PRSS23: variants seen among roughly 807,000 people sequenced by gnomAD.
PRSS23 encodes protease, serine 23.
A neutral mutation model predicts 34.7 loss-of-function variants in PRSS23; 25 were observed. The ratio of observed to expected loss-of-function variants is 0.72; its 90% CI spans 0.53 to 1.01. The LOEUF (loss-of-function observed/expected upper bound fraction) is 1.01, where lower values mean the gene tolerates loss of function less well. Among genes scored for constraint, PRSS23 ranks in the 50% least tolerant of loss-of-function variants. The pLI is 0.00. For missense variants in PRSS23, 445 were observed against 475.6 expected (o/e 0.94, Z 0.60); for synonymous variants, 176 against 186.6 (o/e 0.94, Z 0.46).
At chr11:86,847,338 G>C (rs1305498048) in intron 2 of PRSS23, among the ~76,000 whole-genome samples, 1 of 152,156 alleles carries the variant, frequency 6.6e-6, no homozygotes, top group Non-Finnish European at 1.5e-5. Context: ...TGCCACCCTG[G>C]AACAGGTTGG....
chr11:86,822,950 G>C (rs1221644544), intron 1 of PRSS23, among the ~76,000 whole-genome samples: 1 of 152,092 alleles, frequency 6.6e-6, no homozygotes, highest in Non-Finnish European at 1.5e-5. Context: ...ACAACTCGGG[G>C]GTGAGTGTGG....
rs1948944652 is a variant in PRSS23, at chr11:86,906,597, T to C, written c.207-44619T>C. Among the ~76,000 whole-genome samples, 3 of 152,310 alleles carry C rather than the reference T, an allele frequency of 2.0e-5. No individual in the cohort carries two copies. In the South Asian group the frequency reaches 6.2e-4, roughly 32 times the overall value. ...TGCCACGAATCTCCAAATGCTGAAC[T>C]ACCAGTTTCCTCCATACCCTGCATT... is the stretch of plus-strand genomic sequence containing the variant. On this transcript the variant is annotated intron_variant, in intron 2 of 2. Transcript: ENST00000533902.
intron 2 of PRSS23, among the ~76,000 whole-genome samples, chr11:86,883,462 C>T (rs971411275): frequency 1.3e-5 from 2 of 152,164 alleles, no homozygotes; most frequent in Non-Finnish European, 2.9e-5. Context: ...TGAAACTGGA[C>T]TCCTTCTTTA....
At chr11:86,865,407 G>A (rs1360227060) in intron 2 of PRSS23, among the ~76,000 whole-genome samples, 1 of 152,178 alleles carries the variant, frequency 6.6e-6, no homozygotes, top group East Asian at 1.9e-4. Flanking sequence ...TAAATGAGGG[G>A]CTATCATCAC....
At chr11:86,872,415 C>T (rs569433089) in intron 2 of PRSS23, among the ~76,000 whole-genome samples, 1 of 152,266 alleles carries the variant, frequency 6.6e-6, no homozygotes, top group Non-Finnish European at 1.5e-5. Context: ...CCACACTTAA[C>T]ACGTTCCTGA....
intron 2 of PRSS23, chr11:86,909,905 G>A (rs1948966873): frequency 6.6e-6 from 1 of 152,162 alleles, no homozygotes; most frequent in Non-Finnish European, 1.5e-5. Flanking sequence ...TTTAGTTAAG[G>A]TCTGCTGAAA....
In PRSS23 at chr11:86,800,547, C is replaced by T; in HGVS notation, c.-118C>T. On this transcript the variant is annotated 5_prime_UTR_variant, in exon 1 of 2. Coordinates refer to ENST00000280258, the MANE Select transcript of PRSS23 (RefSeq NM_007173.6). ...CGCTGCTCGCCAGCTTGCTCGCACT[C>T]GGCTGTGCGGCGGGGCAGGCATGGG... 2 of 984,704 alleles carry T rather than the reference C, an allele frequency of 2.0e-6. No homozygotes were observed. Among genetic ancestry groups the T allele is most frequent in the Non-Finnish European group, 2.4e-6 (2 of 829,708 alleles). 61.0% of individuals were successfully genotyped at this position (984,704 alleles called of 1,614,324 possible).
intron 2 of PRSS23, among the ~76,000 whole-genome samples, chr11:86,902,223 T>C (rs1489907483): frequency 2.0e-5 from 3 of 152,296 alleles, no homozygotes; most frequent in Non-Finnish European, 2.9e-5. Context: ...TCAGAAACTA[T>C]AGGGACATTC....
At chr11:86,885,016 T>C (rs556360668) in intron 2 of PRSS23, among the ~76,000 whole-genome samples, 24 of 152,340 alleles carry the variant, frequency 1.6e-4, no homozygotes, top group African/African-American at 5.8e-4. Flanking sequence ...TTTTATTATA[T>C]TGTGCTCATT....
chr11:86,892,810 G>A (rs1948850277), intron 2 of PRSS23, among the ~76,000 whole-genome samples: 2 of 151,898 alleles, frequency 1.3e-5, no homozygotes, highest in Non-Finnish European at 2.9e-5. Context: ...AGGTACTAGG[G>A]GTCTTCTAGT....
intron 2 of PRSS23, among the ~76,000 whole-genome samples, chr11:86,942,203 G>A (rs964823961): frequency 1.3e-5 from 2 of 152,202 alleles, no homozygotes; most frequent in Admixed American, 1.3e-4. Flanking sequence ...GTGGCAAGCA[G>A]GAGGATCGGG....
At chr11:86,895,266 A>C (rs748614031) in intron 2 of PRSS23, among the ~76,000 whole-genome samples, 1 of 152,210 alleles carries the variant, frequency 6.6e-6, no homozygotes, top group Non-Finnish European at 1.5e-5. Flanking sequence ...ACTCACTGAC[A>C]TATGTGAACT....
intron 2 of PRSS23, among the ~76,000 whole-genome samples, chr11:86,832,268 A>T (rs1265844419): frequency 8.5e-5 from 13 of 152,090 alleles, no homozygotes; most frequent in Admixed American, 7.2e-4. Context: ...CATCCAGGGT[A>T]AATATGACTT....
chr11:86,866,670 A>G (rs1018748338), intron 2 of PRSS23, among the ~76,000 whole-genome samples: 1 of 152,204 alleles, frequency 6.6e-6, no homozygotes, highest in African/African-American at 2.4e-5. Flanking sequence ...TTGAAATTTG[A>G]TCCCAGTGTT....
intron 2 of PRSS23, among the ~76,000 whole-genome samples, chr11:86,855,970 C>A (rs903540817): frequency 1.3e-5 from 2 of 152,020 alleles, no homozygotes; most frequent in Non-Finnish European, 2.9e-5. Flanking sequence ...GTGTGTATAC[C>A]ACAGTTTTTT....
At chr11:86,849,181 G>C (rs1373245336) in intron 2 of PRSS23, among the ~76,000 whole-genome samples, 1 of 152,138 alleles carries the variant, frequency 6.6e-6, no homozygotes, top group Non-Finnish European at 1.5e-5. Context: ...AGCTTTCTCA[G>C]GATTAATCTC....
At chr11:86,873,715 A>C (rs1948704053) in intron 2 of PRSS23, among the ~76,000 whole-genome samples, 1 of 152,186 alleles carries the variant, frequency 6.6e-6, no homozygotes, top group Non-Finnish European at 1.5e-5. Context: ...ACTGATGGTG[A>C]ATGTTGCAAG....
intron 2 of PRSS23, among the ~76,000 whole-genome samples, chr11:86,863,445 GC>G (rs1160104226): frequency 6.6e-6 from 1 of 152,140 alleles, no homozygotes; most frequent in African/African-American, 2.4e-5. Flanking sequence ...GCTCATAAGT[GC>G]CCAATAGTAG....
chr11:86,862,500 T>C (rs1270253269), intron 2 of PRSS23, among the ~76,000 whole-genome samples: 1 of 152,018 alleles, frequency 6.6e-6, no homozygotes, highest in Non-Finnish European at 1.5e-5. Flanking sequence ...CACTCTGTGA[T>C]AATATTCGTA....
Sources: gnomAD v4.1 joint callset for allele counts (sites outside exome capture counted in the v4.1 genomes callset) on GRCh38, gnomAD v4.1.1 for gene constraint, MANE v1.5 for transcripts, NCBI Gene and HGNC (gene_info 2026-07-23, HGNC 2026-07-21) for gene names.